Variants in PHLPP2 observed in about 807,000 individuals in gnomAD.
PHLPP2 encodes the protein PH domain and leucine rich repeat protein phosphatase 2.
PHLPP2 carries 66 observed loss-of-function variants against 124.9 expected under a neutral mutation model. The observed-to-expected ratio is 0.53, with a 90% CI of 0.43 to 0.65. The LOEUF is 0.65. Ranked by LOEUF, PHLPP2 falls within the 30% of genes least tolerant of loss-of-function variation. The probability of loss-of-function intolerance (pLI) is 0.00; values close to 1 mark genes in which losing one functional copy is unlikely to be tolerated. For synonymous variants in PHLPP2, 681 were observed against 624.7 expected (o/e 1.09, Z -1.34); for missense variants, 1,685 against 1,600.4 (o/e 1.05, Z -0.90).
chr16:71,704,062 C>T (rs1325447846), intron 2 of PHLPP2, among the ~76,000 whole-genome samples: 1 of 152,176 alleles, frequency 6.6e-6, no homozygotes, highest in African/African-American at 2.4e-5. Flanking sequence ...GTGGCTCACG[C>T]CTGTAATCCC....
Position 71,652,877 on chromosome 16 carries a change from C to T in PHLPP2, c.2730G>A (p.Lys910=). The change falls in exon 18 of 19, where the codon AAG becomes AAA. Residue 910 remains lysine (K), a synonymous_variant. Transcript: ENST00000568954. The part of the protein sequence containing the change: ...TCQAVLCRGG[K]PVPLSKVFSL... ...TGAAGACTTTAGAGAGGGGCACTGG[C>T]TTCCCACCTCGGCACAGGACTGCTT... The T allele has an allele frequency of 6.2e-7, 1 of 1,614,158 alleles. No homozygotes were observed. The highest frequency in any genetic ancestry group is 8.5e-7 in the Non-Finnish European group (1 of 1,180,020).
chr16:71,677,076 T>C (rs1037422452), intron 8 of PHLPP2: 8 of 193,708 alleles, frequency 4.1e-5, no homozygotes, highest in African/African-American at 1.7e-4. Flanking sequence ...ACTTAAGAAT[T>C]TCACTACTCG....
rs116596071 is a variant in PHLPP2 at position 71,680,647 on chromosome 16, G to A, written c.890+1104C>T. Among the ~76,000 whole-genome samples the A allele has an allele frequency of 4.3e-3, 656 of 152,326 alleles. 11 individuals are homozygous for A. The highest frequency in any genetic ancestry group is 0.015 in the African/African-American group (636 of 41,572). On this transcript the variant is annotated intron_variant, in intron 6 of 18. Coordinates refer to ENST00000568954, the MANE Select transcript of PHLPP2 (RefSeq NM_015020.3). ...AAGTGCAAGATGGTAAGGCTGAGAT[G>A]TTCTCCATGATGATGATCTATCACC...
At chr16:71,700,160 G>A (rs2045216459) in intron 3 of PHLPP2, among the ~76,000 whole-genome samples, 1 of 152,170 alleles carries the variant, frequency 6.6e-6, no homozygotes, top group African/African-American at 2.4e-5. Context: ...ACTTTAGGAG[G>A]CCAAGATAGG....
chr16:71,687,716 G>C (rs561247387), intron 4 of PHLPP2, among the ~76,000 whole-genome samples: 58 of 151,806 alleles, frequency 3.8e-4, no homozygotes, highest in Admixed American at 1.3e-4. Flanking sequence ...CTCTTATCCC[G>C]AGTGTATCAC....
intron 2 of PHLPP2, 41 bp downstream of exon 2, chr16:71,714,471 T>C: frequency 6.5e-7 from 1 of 1,528,966 alleles, no homozygotes; most frequent in Non-Finnish European, 8.8e-7. Context: ...CATTATTATT[T>C]ATATTACGGT....
intron 2 of PHLPP2, among the ~76,000 whole-genome samples, chr16:71,713,009 CAA>C (rs2045333641): frequency 1.3e-5 from 2 of 152,106 alleles, no homozygotes; most frequent in South Asian, 2.1e-4. Context: ...AAAGCTGAAT[CAA>C]AGAGTTCACA....
intron 13 of PHLPP2, among the ~76,000 whole-genome samples, chr16:71,659,136 C>T (rs1033583820): frequency 5.3e-5 from 8 of 152,002 alleles, no homozygotes; most frequent in Non-Finnish European, 1.0e-4. Flanking sequence ...AGTCTTGATG[C>T]TTGCTTTACC....
intron 15 of PHLPP2, among the ~76,000 whole-genome samples, chr16:71,657,541 C>T (rs2044752656): frequency 1.3e-5 from 2 of 151,240 alleles, no homozygotes; most frequent in African/African-American, 4.9e-5. Flanking sequence ...ACTACAGGCG[C>T]CCGCCACCTC....
chr16:71,677,523 T>C (rs1192177487), intron 8 of PHLPP2: 1 of 133,080 alleles, frequency 7.5e-6, no homozygotes, highest in East Asian at 2.0e-4. Context: ...TTATAGAAAA[T>C]GACCTCTGGG....
At chr16:71,706,103 C>T (rs901407842) in intron 2 of PHLPP2, among the ~76,000 whole-genome samples, 2 of 152,184 alleles carry the variant, frequency 1.3e-5, no homozygotes, top group African/African-American at 4.8e-5. Flanking sequence ...GAAAGTAATA[C>T]TGGCAACAAA....
Position 71,658,725 on chromosome 16 carries a change from C to T in PHLPP2, c.2076G>A (p.Arg692=), listed in dbSNP as rs373337255. ...TGGAGTGTGCAACAAGGGTGTGCAGCCTTTTACAGTTTGCTATGGTTGTGG... is the reference window on the plus strand; with the variant it reads ...TGGAGTGTGCAACAAGGGTGTGCAGTCTTTTACAGTTTGCTATGGTTGTGG... ...TIPTTIANCK[R]LHTLVAHSNN... Residue 692 remains arginine, a synonymous_variant, in exon 14 of 19, where the codon AGG becomes AGA. Transcript: ENST00000568954. The T allele has an allele frequency of 1.5e-5, 24 of 1,614,020 alleles. No individual in the cohort carries two copies. Among genetic ancestry groups the T allele is most frequent in the African/African-American group, 8.0e-5 (6 of 74,920 alleles).
chr16:71,721,612 A>T (rs1164430248), intron 1 of PHLPP2, among the ~76,000 whole-genome samples: 1 of 151,930 alleles, frequency 6.6e-6, no homozygotes, highest in African/African-American at 2.4e-5. Flanking sequence ...AAATCTTTTT[A>T]AATTTTTTTT....
chr16:71,678,823 T>TC lies in PHLPP2; in HGVS notation c.1199dup (p.Asn401LysfsTer13), dbSNP rs376064488. The TC allele has an allele frequency of 6.2e-7, 1 of 1,611,870 alleles. No individual in the cohort carries two copies. On this transcript the variant is annotated frameshift_variant, in exon 8 of 19. Coordinates refer to ENST00000568954, the MANE Select transcript of PHLPP2 (RefSeq NM_015020.3). LOFTEE classifies it high-confidence loss of function. ...CTAAGTTCAGGACTTCCAGGCAATTTCCTGCCATAACCACTCTATCTAACA... is the reference window on the plus strand; with the variant it reads ...CTAAGTTCAGGACTTCCAGGCAATTTCCCTGCCATAACCACTCTATCTAACA...
chr16:71,669,367 G>A lies in PHLPP2; in HGVS notation c.1536C>T (p.Asn512=), dbSNP rs1274008810. 6.2e-7 allele frequency: 1 copy of A among 1,605,626 alleles called. No individual in the cohort carries two copies. Among genetic ancestry groups the A allele is most frequent in the Non-Finnish European group, 8.5e-7 (1 of 1,174,826 alleles). The change falls in exon 11 of 19, where the codon AAC becomes AAT. Residue 512 remains asparagine (N), a synonymous_variant. Transcript: ENST00000568954. ...CCCAGTCAGGGACACACTCTAGCAG[G>A]TTTCTGCAGAAAATAAATAATTAAA... The part of the protein sequence containing the change: ...SLLTFLDLSR[N]LLECVPDWAC...
intron 1 of PHLPP2, among the ~76,000 whole-genome samples, chr16:71,722,968 C>T (rs2045407734): frequency 6.6e-6 from 1 of 152,222 alleles, no homozygotes; most frequent in African/African-American, 2.4e-5. Flanking sequence ...TTCCACTCCC[C>T]TCTTGCCTAC....
At chr16:71,694,274 C>A (rs1176584491) in intron 3 of PHLPP2, among the ~76,000 whole-genome samples, 2 of 151,040 alleles carry the variant, frequency 1.3e-5, no homozygotes, top group African/African-American at 4.9e-5. Context: ...CCAGCGTGAC[C>A]AACATGGTGA....
At chr16:71,683,364 A>G (rs891050819) in intron 5 of PHLPP2, among the ~76,000 whole-genome samples, 3 of 152,198 alleles carry the variant, frequency 2.0e-5, no homozygotes, top group African/African-American at 7.2e-5. Context: ...GCATATAGGA[A>G]TAATGGTTTG....
intron 2 of PHLPP2, among the ~76,000 whole-genome samples, chr16:71,707,920 G>A (rs1182928568): frequency 1.3e-5 from 2 of 152,176 alleles, no homozygotes; most frequent in African/African-American, 4.8e-5. Flanking sequence ...GGCAGTCAGT[G>A]TCAGATCTGT....
Sources: allele counts gnomAD v4.1 joint callset (sites outside exome capture counted in the v4.1 genomes callset), GRCh38; gene constraint gnomAD v4.1.1; transcripts MANE v1.5; gene names NCBI Gene and HGNC (gene_info 2026-07-23, HGNC 2026-07-21).